Variants in GABRB2 observed in about 807,000 individuals in gnomAD.
The protein encoded by GABRB2 is gamma-aminobutyric acid type A receptor subunit beta2, also known as gamma-aminobutyric acid receptor subunit beta-2.
A neutral mutation model predicts 54.7 loss-of-function variants in GABRB2; 16 were observed. That is an observed-to-expected ratio of 0.29 (90% CI 0.20 to 0.44). The LOEUF (loss-of-function observed/expected upper bound fraction) is 0.44. Ranked by LOEUF, GABRB2 falls within the 20% of genes least tolerant of loss-of-function variation. The probability of loss-of-function intolerance (pLI) is 1.00; values close to 1 mark genes in which losing one functional copy is unlikely to be tolerated. For missense variants in GABRB2, 355 were observed against 644.0 expected (o/e 0.55, Z 4.86); for synonymous variants, 244 against 233.8 (o/e 1.04, Z -0.40).
At chr5:161,303,132 A>G (rs1196598421) in intron 9 of GABRB2, among the ~76,000 whole-genome samples, 2 of 152,238 alleles carry the variant, frequency 1.3e-5, no homozygotes, top group South Asian at 2.1e-4. Flanking sequence ...CCAGCATTTT[A>G]TAACAGCCCT....
At chr5:161,521,657 G>C (rs904315164) in intron 3 of GABRB2, among the ~76,000 whole-genome samples, 3 of 151,892 alleles carry the variant, frequency 2.0e-5, no homozygotes, top group African/African-American at 4.8e-5. Context: ...AAAAATGTTA[G>C]TGTTGGTATT....
intron 7 of GABRB2, among the ~76,000 whole-genome samples, chr5:161,333,202 A>G (rs1404499788): frequency 6.6e-6 from 1 of 152,206 alleles, no homozygotes; most frequent in Non-Finnish European, 1.5e-5. Flanking sequence ...CTTTGGAAAA[A>G]TGGGATATTT....
At chr5:161,357,669 G>A (rs1754676654) in intron 5 of GABRB2, among the ~76,000 whole-genome samples, 1 of 152,050 alleles carries the variant, frequency 6.6e-6, no homozygotes, top group Admixed American at 6.6e-5. Context: ...AAGAGATAAT[G>A]GTAGCTTAGA....
intron 3 of GABRB2, among the ~76,000 whole-genome samples, chr5:161,496,250 T>A (rs780400366): frequency 8.5e-5 from 13 of 152,134 alleles, no homozygotes; most frequent in Non-Finnish European, 1.8e-4. Flanking sequence ...TCATAATACC[T>A]CCTTAGAGGA....
At chr5:161,423,645 C>T (rs1186125114) in intron 4 of GABRB2, among the ~76,000 whole-genome samples, 1 of 152,130 alleles carries the variant, frequency 6.6e-6, no homozygotes, top group Non-Finnish European at 1.5e-5. Context: ...TCTCTCTCTC[C>T]TCAGGCCTTC....
chr5:161,389,569 GGAGT>G, intron 5 of GABRB2, among the ~76,000 whole-genome samples: 1 of 132,900 alleles, frequency 7.5e-6, no homozygotes, highest in African/African-American at 3.6e-5. Flanking sequence ...GTATGTTTGT[GGAGT>G]GTGTGTGTGT....
intron 3 of GABRB2, among the ~76,000 whole-genome samples, chr5:161,530,878 C>G (rs573783388): frequency 6.6e-6 from 1 of 152,126 alleles, no homozygotes; most frequent in African/African-American, 2.4e-5. Context: ...CAAATGTGCA[C>G]AGCCTCCCAG....
At chr5:161,335,421 A>G (rs1316424370) in intron 6 of GABRB2, among the ~76,000 whole-genome samples, 1 of 152,016 alleles carries the variant, frequency 6.6e-6, no homozygotes. Flanking sequence ...CATTGCTTCC[A>G]TTGGAGTTCT....
chr5:161,401,513 G>C (rs1727362274), intron 5 of GABRB2, among the ~76,000 whole-genome samples: 1 of 152,028 alleles, frequency 6.6e-6, no homozygotes, highest in Non-Finnish European at 1.5e-5. Context: ...ATTTGCCATA[G>C]TGATACCTTA....
chr5:161,332,332 G>A (rs931340029), intron 7 of GABRB2, among the ~76,000 whole-genome samples: 15 of 152,154 alleles, frequency 9.9e-5, no homozygotes, highest in African/African-American at 3.6e-4. Context: ...AATTTGGAGT[G>A]GAGGGTAACA....
chr5:161,450,636 C>T (rs1757763945), intron 4 of GABRB2, among the ~76,000 whole-genome samples: 1 of 152,080 alleles, frequency 6.6e-6, no homozygotes, highest in Non-Finnish European at 1.5e-5. Flanking sequence ...TGGGATTCTG[C>T]TCTGTGGTTT....
chr5:161,545,404 A>G lies in GABRB2; in HGVS notation c.170-110T>C, dbSNP rs866418869. 6.6e-5 allele frequency: 36 copies of G among 545,860 alleles called. No homozygotes were observed. In the South Asian group the frequency reaches 2.5e-3, roughly 38 times the overall value. The allele number at this position is 545,860 out of a possible 1,614,324, so 33.8% of individuals were successfully genotyped here. ...GCCCAAAACCCTTCTGCACTACTCAATCTCAAATTTTTCAATTCTCTGCTT... is the reference window on the plus strand; with the variant it reads ...GCCCAAAACCCTTCTGCACTACTCAGTCTCAAATTTTTCAATTCTCTGCTT... On this transcript the variant is annotated intron_variant, in intron 2 of 9. Coordinates refer to ENST00000393959, the MANE Select transcript of GABRB2 (RefSeq NM_001371727.1).
chr5:161,296,401 C>T (rs1462438344), intron 9 of GABRB2, among the ~76,000 whole-genome samples: 1 of 152,144 alleles, frequency 6.6e-6, no homozygotes, highest in Non-Finnish European at 1.5e-5. Context: ...ATTTGCTTCT[C>T]TACTGAGCAA....
intron 5 of GABRB2, among the ~76,000 whole-genome samples, chr5:161,375,257 A>G (rs1317630663): frequency 6.6e-6 from 1 of 152,202 alleles, no homozygotes; most frequent in Non-Finnish European, 1.5e-5. Context: ...TACAGGTTAC[A>G]AAGAATTGGC....
intron 5 of GABRB2, among the ~76,000 whole-genome samples, chr5:161,355,092 A>G (rs1234580488): frequency 6.6e-6 from 1 of 151,888 alleles, no homozygotes; most frequent in African/African-American, 2.4e-5. Context: ...TCTCTGTCTT[A>G]TACTAAGATG....
At chr5:161,386,585 G>A (rs980772543) in intron 5 of GABRB2, among the ~76,000 whole-genome samples, 14 of 151,802 alleles carry the variant, frequency 9.2e-5, no homozygotes, top group East Asian at 1.9e-4. Context: ...TCACTCTGTC[G>A]CCCTAGCTGG....
chr5:161,427,500 G>T (rs1318836389), intron 4 of GABRB2, among the ~76,000 whole-genome samples: 5 of 152,104 alleles, frequency 3.3e-5, no homozygotes, highest in Non-Finnish European at 5.9e-5. Context: ...ACTCATAATG[G>T]TCTCAGTGGG....
chr5:161,476,990 C>T (rs1758610056), intron 3 of GABRB2, among the ~76,000 whole-genome samples: 1 of 151,722 alleles, frequency 6.6e-6, no homozygotes, highest in African/African-American at 2.4e-5. Context: ...AGCTAAAGGG[C>T]AACCTAAGGA....
chr5:161,356,002 T>A (rs567751155), intron 5 of GABRB2, among the ~76,000 whole-genome samples: 1 of 152,242 alleles, frequency 6.6e-6, no homozygotes, highest in South Asian at 2.1e-4. Flanking sequence ...ACCTCAAGTT[T>A]CTCCAACATT....
Sources: allele counts gnomAD v4.1 joint callset (sites outside exome capture counted in the v4.1 genomes callset), GRCh38; gene constraint gnomAD v4.1.1; transcripts MANE v1.5; gene names NCBI Gene and HGNC (gene_info 2026-07-23, HGNC 2026-07-21).